Variants in PAK5 observed in about 807,000 individuals in gnomAD.
PAK5 encodes the protein p21 (RAC1) activated kinase 5.
Under a neutral mutation model 65.9 loss-of-function variants are expected in PAK5, and 16 were observed. The ratio of observed to expected loss-of-function variants is 0.24; its 90% CI spans 0.16 to 0.37. The LOEUF is 0.37. Among genes scored for constraint, PAK5 ranks in the 10% least tolerant of loss-of-function variants. PAK5 has a pLI of 1.00. For synonymous variants in PAK5, 371 were observed against 354.9 expected, an observed-to-expected ratio of 1.05 and a Z score of -0.51; for missense variants, 785 against 903.9, an observed-to-expected ratio of 0.87 and a Z score of 1.69.
intron 1 of PAK5, among the ~76,000 whole-genome samples, chr20:9,742,278 A>G (rs1471462846): frequency 6.6e-6 from 1 of 152,216 alleles, no homozygotes; most frequent in Non-Finnish European, 1.5e-5. Flanking sequence ...CAAAAGCCAA[A>G]TAAAAAGTGA....
intron 2 of PAK5, among the ~76,000 whole-genome samples, chr20:9,666,322 A>T (rs902535244): frequency 1.3e-5 from 2 of 150,898 alleles, no homozygotes; most frequent in Admixed American, 1.3e-4. Context: ...AGCAAGCTGG[A>T]GTCCAGTGAC....
At chr20:9,705,314 C>T (rs1197220782) in intron 2 of PAK5, among the ~76,000 whole-genome samples, 1 of 151,868 alleles carries the variant, frequency 6.6e-6, no homozygotes, top group Non-Finnish European at 1.5e-5. Context: ...GAAAACTAAA[C>T]ATGAAAAGAT....
At chr20:9,583,171 T>A (rs2046010096) in intron 3 of PAK5, among the ~76,000 whole-genome samples, 3 of 152,196 alleles carry the variant, frequency 2.0e-5, no homozygotes, top group African/African-American at 7.2e-5. Flanking sequence ...ATGAACACAC[T>A]CACACACCTA....
intron 2 of PAK5, among the ~76,000 whole-genome samples, chr20:9,646,818 G>C (rs963953269): frequency 2.0e-5 from 3 of 152,182 alleles, no homozygotes; most frequent in Non-Finnish European, 4.4e-5. Context: ...TATCCTGCTG[G>C]AAGATGAGGG....
At chr20:9,642,496 A>C (rs987662180) in intron 3 of PAK5, among the ~76,000 whole-genome samples, 3 of 152,204 alleles carry the variant, frequency 2.0e-5, no homozygotes, top group Non-Finnish European at 4.4e-5. Context: ...AAATAGTAGA[A>C]GACTTTTCAG....
At chr20:9,644,035 G>T in intron 3 of PAK5, 90 bp downstream of exon 3, 1 of 890,640 alleles carries the variant, frequency 1.1e-6, no homozygotes, top group Non-Finnish European at 1.9e-6. Context: ...TGTGGTTTAG[G>T]CATTTTATAG....
At chr20:9,720,014 C>T (rs1751090903) in intron 1 of PAK5, among the ~76,000 whole-genome samples, 1 of 152,138 alleles carries the variant, frequency 6.6e-6, no homozygotes, top group Admixed American at 6.6e-5. Context: ...TGTGTGAATT[C>T]ACTAACCTTC....
chr20:9,657,403 G>T (rs1414337855), intron 2 of PAK5, among the ~76,000 whole-genome samples: 1 of 152,076 alleles, frequency 6.6e-6, no homozygotes, highest in Non-Finnish European at 1.5e-5. Flanking sequence ...CTCATTGAGG[G>T]ATAGTTTGGT....
At chr20:9,571,891 G>T (rs1241809625) in intron 4 of PAK5, among the ~76,000 whole-genome samples, 2 of 135,280 alleles carry the variant, frequency 1.5e-5, no homozygotes, top group Non-Finnish European at 3.1e-5. Flanking sequence ...GGGGGATGTG[G>T]TCTTAACAGG....
intron 2 of PAK5, among the ~76,000 whole-genome samples, chr20:9,672,682 CT>C (rs2047516547): frequency 6.6e-6 from 1 of 152,106 alleles, no homozygotes; most frequent in African/African-American, 2.4e-5. Flanking sequence ...TCGCGTATGT[CT>C]TTATTAGCAG....
At chr20:9,745,103 C>G (rs1395876933) in intron 1 of PAK5, among the ~76,000 whole-genome samples, 1 of 152,098 alleles carries the variant, frequency 6.6e-6, no homozygotes, top group Non-Finnish European at 1.5e-5. Context: ...GTAAACAGAA[C>G]ATATATTACA....
At chr20:9,596,480 C>T (rs959002614) in intron 3 of PAK5, among the ~76,000 whole-genome samples, 3 of 151,768 alleles carry the variant, frequency 2.0e-5, no homozygotes, top group South Asian at 2.1e-4. Context: ...ACTAAAAATA[C>T]AAAAAATTAG....
intron 1 of PAK5, among the ~76,000 whole-genome samples, chr20:9,827,146 T>C (rs935711631): frequency 6.6e-6 from 1 of 152,220 alleles, no homozygotes; most frequent in Non-Finnish European, 1.5e-5. Flanking sequence ...AGTGTGAAAC[T>C]AGTTTGTGTG....
Position 9,605,220 on chromosome 20 carries a change from T to C in PAK5, c.205-24290A>G, listed in dbSNP as rs1054714223. On this transcript the variant is annotated intron_variant, in intron 3 of 9. Coordinates refer to ENST00000353224, the MANE Select transcript of PAK5 (RefSeq NM_177990.4). ...ACTTCCTTTCCACATTGGTTAAGGA[T>C]TACCTTTGGGGGCATTCATTGCCTG... 8.5e-5 allele frequency among the ~76,000 whole-genome samples: 13 copies of C among 152,312 alleles called. 1 individual carries two copies. Among genetic ancestry groups the C allele is most frequent in the African/African-American group, 2.9e-4 (12 of 41,566 alleles).
chr20:9,833,517 C>T (rs774329970), intron 1 of PAK5, among the ~76,000 whole-genome samples: 3 of 148,606 alleles, frequency 2.0e-5, no homozygotes, highest in Non-Finnish European at 3.0e-5. Flanking sequence ...CATCAAACTT[C>T]CCCCCACCTT....
chr20:9,808,102 C>T (rs557304962), intron 1 of PAK5, among the ~76,000 whole-genome samples: 1 of 152,144 alleles, frequency 6.6e-6, no homozygotes, highest in Non-Finnish European at 1.5e-5. Flanking sequence ...AATATTGTAC[C>T]ACCAGTGAAA....
At chr20:9,804,197 A>C (rs567637144) in intron 1 of PAK5, among the ~76,000 whole-genome samples, 1 of 152,266 alleles carries the variant, frequency 6.6e-6, no homozygotes, top group Admixed American at 6.5e-5. Context: ...TTGAAGTCTG[A>C]GAGGTGCTGT....
At chr20:9,724,005 C>T (rs1351682816) in intron 1 of PAK5, among the ~76,000 whole-genome samples, 1 of 152,108 alleles carries the variant, frequency 6.6e-6, no homozygotes, top group African/African-American at 2.4e-5. Flanking sequence ...CTCATGTCAG[C>T]CAATCTTAGT....
At chr20:9,759,424 A>G (rs978754449) in intron 1 of PAK5, among the ~76,000 whole-genome samples, 3 of 152,144 alleles carry the variant, frequency 2.0e-5, no homozygotes, top group African/African-American at 7.2e-5. Context: ...GTATTCAGCT[A>G]ATGTCTGCTT....
Sources: allele counts gnomAD v4.1 joint callset (sites outside exome capture counted in the v4.1 genomes callset), GRCh38; gene constraint gnomAD v4.1.1; transcripts MANE v1.5; gene names NCBI Gene and HGNC (gene_info 2026-07-23, HGNC 2026-07-21).